Variants in PPP4R4 observed in about 807,000 individuals in gnomAD.
PPP4R4 encodes the protein protein phosphatase 4 regulatory subunit 4, also known as serine/threonine-protein phosphatase 4 regulatory subunit 4.
A neutral mutation model predicts 121.8 loss-of-function variants in PPP4R4; 70 were observed. The observed-to-expected ratio is 0.57, with a 90% CI of 0.47 to 0.70. The LOEUF (loss-of-function observed/expected upper bound fraction) is 0.70, where lower values mean the gene tolerates loss of function less well. Among genes scored for constraint, PPP4R4 ranks in the 30% least tolerant of loss-of-function variants. The probability of loss-of-function intolerance (pLI) is 0.00; values close to 1 mark genes in which losing one functional copy is unlikely to be tolerated. For synonymous variants in PPP4R4, 348 were observed against 355.7 expected (o/e 0.98, Z 0.24); for missense variants, 875 against 1,033.6 (o/e 0.85, Z 2.10).
At chr14:94,231,142 C>T (rs1372752326) in intron 4 of PPP4R4, 100 bp from the exon 5 acceptor site, 5 of 855,128 alleles carry the variant, frequency 5.8e-6, no homozygotes, top group African/African-American at 1.7e-5. Context: ...ATAATTATTT[C>T]CATTTTATCA....
intron 16 of PPP4R4, among the ~76,000 whole-genome samples, chr14:94,254,696 T>C (rs943529182): frequency 6.6e-6 from 1 of 152,214 alleles, no homozygotes; most frequent in African/African-American, 2.4e-5. Flanking sequence ...TTCAGATGAA[T>C]AAATGAATAT....
intron 21 of PPP4R4, 77 bp from the exon 22 acceptor site, chr14:94,265,717 A>T: frequency 9.4e-7 from 1 of 1,058,554 alleles, no homozygotes; most frequent in Non-Finnish European, 1.4e-6. Flanking sequence ...AAATGATGGT[A>T]GTTGGGGAGG....
intron 17 of PPP4R4, among the ~76,000 whole-genome samples, 183 bp downstream of exon 17, chr14:94,256,787 G>T (rs940682812): frequency 1.3e-5 from 2 of 152,070 alleles, no homozygotes; most frequent in Non-Finnish European, 2.9e-5. Context: ...CTTTCGAAGG[G>T]CACCTAGACA....
chr14:94,235,311 T>A (rs1415340424), intron 7 of PPP4R4, among the ~76,000 whole-genome samples: 1 of 150,960 alleles, frequency 6.6e-6, no homozygotes, highest in African/African-American at 2.4e-5. Flanking sequence ...GAGGGCCGAC[T>A]ACACTCTAAT....
Position 94,251,784 on chromosome 14 carries a change from C to A in PPP4R4, c.1753C>A (p.Arg585=), listed in dbSNP as rs1006379723. 1 of 1,575,636 alleles carries A rather than the reference C, an allele frequency of 6.3e-7. No homozygotes were observed. Among genetic ancestry groups the A allele is most frequent in the Non-Finnish European group, 8.6e-7 (1 of 1,164,386 alleles). The part of the protein sequence containing the change: ...GQGKSYWNRL[R]FLDTCEFIIE... Reference sequence around the variant, plus strand: ...AGGAAAAAGTTACTGGAATAGACTTCGATTTTTGGATACCTGTGAATTTAT... The same window carrying A: ...AGGAAAAAGTTACTGGAATAGACTTAGATTTTTGGATACCTGTGAATTTAT... Residue 585 remains arginine (R), a synonymous_variant, in exon 16 of 25, where the codon CGA becomes AGA. Coordinates refer to ENST00000304338, the MANE Select transcript of PPP4R4 (RefSeq NM_058237.2).
intron 21 of PPP4R4, 144 bp downstream of exon 21, chr14:94,265,617 T>A: frequency 1.2e-6 from 1 of 854,836 alleles, no homozygotes; most frequent in Non-Finnish European, 1.8e-6. Context: ...ATTAGGTGTT[T>A]TGGTAGTTTT....
chr14:94,204,404 C>T (rs1890353251), intron 2 of PPP4R4, among the ~76,000 whole-genome samples: 1 of 151,860 alleles, frequency 6.6e-6, no homozygotes, highest in Non-Finnish European at 1.5e-5. Context: ...GTGTGGGGGT[C>T]TATTTCTGGG....
intron 2 of PPP4R4, among the ~76,000 whole-genome samples, chr14:94,200,522 G>A (rs1289013476): frequency 2.0e-5 from 3 of 152,064 alleles, no homozygotes; most frequent in Non-Finnish European, 4.4e-5. Context: ...GCTTGTTATT[G>A]GTCTGTTCAG....
At chr14:94,214,944 C>T (rs1195430282) in intron 3 of PPP4R4, among the ~76,000 whole-genome samples, 1 of 152,130 alleles carries the variant, frequency 6.6e-6, no homozygotes, top group Admixed American at 6.5e-5. Flanking sequence ...TACATTCAGC[C>T]TATGTGTATA....
chr14:94,216,674 TC>T (rs1891039153), intron 3 of PPP4R4, among the ~76,000 whole-genome samples: 1 of 152,164 alleles, frequency 6.6e-6, no homozygotes, highest in South Asian at 2.1e-4. Context: ...GAAAACCTTC[TC>T]CTTTATGAAG....
intron 19 of PPP4R4, among the ~76,000 whole-genome samples, chr14:94,262,880 C>T (rs181030583): frequency 9.9e-5 from 15 of 152,084 alleles, no homozygotes; most frequent in East Asian, 1.9e-4. Context: ...GATATTTTCA[C>T]TGGGTATAGA....
chr14:94,219,738 C>T (rs944898330), intron 3 of PPP4R4, among the ~76,000 whole-genome samples: 4 of 152,056 alleles, frequency 2.6e-5, no homozygotes, highest in African/African-American at 7.2e-5. Flanking sequence ...AAAGGAACAC[C>T]ACCATCTAAT....
chr14:94,259,315 G>A lies in PPP4R4; in HGVS notation c.2073G>A (p.Glu691=). ...SMDAFQKKFY[E]KDLLDQEKER... is the part of the protein sequence containing the mutation. ...AACAGTTTCAGAAAAAGTTTTATGA[G>A]AAAGATTTGTTGGATCAAGAGAAAG... is the stretch of plus-strand genomic sequence containing the variant. Residue 691 remains glutamate (E), a synonymous_variant, in exon 19 of 25, where the codon GAG becomes GAA. Transcript: ENST00000304338. 6.2e-7 allele frequency: 1 copy of A among 1,607,508 alleles called. No homozygotes were observed. The highest frequency in any genetic ancestry group is 8.5e-7 in the Non-Finnish European group (1 of 1,178,100).
At chr14:94,175,193 C>T (rs1888611519) in intron 1 of PPP4R4, among the ~76,000 whole-genome samples, 1 of 150,716 alleles carries the variant, frequency 6.6e-6, no homozygotes, top group Non-Finnish European at 1.5e-5. Context: ...AAGCTCGGGT[C>T]CTTCTGCCCT....
intron 3 of PPP4R4, among the ~76,000 whole-genome samples, chr14:94,229,310 T>C (rs1469058248): frequency 2.0e-5 from 3 of 152,082 alleles, no homozygotes; most frequent in Non-Finnish European, 4.4e-5. Flanking sequence ...AGGTAGACCC[T>C]TCAGGATTTA....
chr14:94,175,063 G>A (rs1265187819), intron 1 of PPP4R4, among the ~76,000 whole-genome samples: 1 of 141,082 alleles, frequency 7.1e-6, no homozygotes, highest in African/African-American at 2.6e-5. Flanking sequence ...GTCCGCTGAC[G>A]CCGCCCGGGT....
intron 19 of PPP4R4, among the ~76,000 whole-genome samples, chr14:94,260,253 A>G (rs1322219670): frequency 1.3e-5 from 2 of 152,062 alleles, no homozygotes; most frequent in African/African-American, 2.4e-5. Context: ...GTGAAACCCC[A>G]TCTCTACTAA....
intron 5 of PPP4R4, among the ~76,000 whole-genome samples, chr14:94,232,923 T>G (rs1033899525): frequency 6.6e-6 from 1 of 152,078 alleles, no homozygotes; most frequent in Non-Finnish European, 1.5e-5. Flanking sequence ...CTGGGCGTGG[T>G]GGCAGGCGCC....
intron 23 of PPP4R4, among the ~76,000 whole-genome samples, chr14:94,272,499 T>G (rs1433244561): frequency 4.6e-5 from 7 of 152,188 alleles, no homozygotes; most frequent in African/African-American, 7.2e-5. Flanking sequence ...CACAAAAATG[T>G]ATTCAAAAAT....
Sources: allele counts gnomAD v4.1 joint callset (sites outside exome capture counted in the v4.1 genomes callset), GRCh38; gene constraint gnomAD v4.1.1; transcripts MANE v1.5; gene names NCBI Gene and HGNC (gene_info 2026-07-23, HGNC 2026-07-21).